FNBP1L: variants seen among roughly 807,000 people sequenced by gnomAD.
FNBP1L encodes formin-binding protein 1-like.
A neutral mutation model predicts 91.2 loss-of-function variants in FNBP1L; 36 were observed. The ratio of observed to expected loss-of-function variants is 0.39; its 90% confidence interval spans 0.30 to 0.52. FNBP1L has a LOEUF of 0.52. Among genes scored for constraint, FNBP1L ranks in the 20% least tolerant of loss-of-function variants. The probability of loss-of-function intolerance (pLI) is 0.66; values close to 1 mark genes in which losing one functional copy is unlikely to be tolerated. For synonymous variants in FNBP1L, 242 were observed against 237.0 expected (o/e 1.02, Z -0.19); for missense variants, 571 against 732.1 (o/e 0.78, Z 2.54).
At chr1:93,475,307 C>T (rs59039419) in intron 1 of FNBP1L, among the ~76,000 whole-genome samples, 4,054 of 152,080 alleles carry the variant, frequency 0.027, 160 homozygotes, top group African/African-American at 0.09. Context: ...CCTATAATTT[C>T]AGCACTTTGG....
intron 2 of FNBP1L, among the ~76,000 whole-genome samples, chr1:93,500,740 G>A (rs1398141759): frequency 6.6e-6 from 1 of 152,162 alleles, no homozygotes; most frequent in East Asian, 1.9e-4. Flanking sequence ...CCACATAATA[G>A]TGCATGTAAC....
intron 1 of FNBP1L, among the ~76,000 whole-genome samples, chr1:93,449,361 A>G (rs1047607970): frequency 6.6e-5 from 10 of 150,804 alleles, no homozygotes; most frequent in Admixed American, 5.3e-4. Flanking sequence ...GGCCTCAGCC[A>G]CTCCCCTTTT....
chr1:93,531,177 T>G (rs1671666548), intron 7 of FNBP1L, among the ~76,000 whole-genome samples: 1 of 152,234 alleles, frequency 6.6e-6, no homozygotes, highest in Non-Finnish European at 1.5e-5. Flanking sequence ...ATTGAATTTG[T>G]ATATTGTAAT....
rs1010090307 is a variant in FNBP1L at position 93,540,912 on chromosome 1, A to G, written c.1150-130A>G. 4 of 668,570 alleles carry G rather than the reference A, an allele frequency of 6.0e-6. No individual in the cohort carries two copies. In the East Asian group the frequency reaches 9.7e-5, roughly 16 times the overall value. The allele number at this position is 668,570 out of a possible 1,614,324, so 41.4% of individuals were successfully genotyped here. A position where few individuals can be genotyped will look rare whatever the true frequency, so the allele number is the denominator to read the frequency against. On this transcript the variant is annotated intron_variant, in intron 10 of 16. Transcript: ENST00000271234. ...TGCTTAAAATGGTTTTTCTGGCATAATTGTTTGGATTGTGAAATGTACGTG... is the reference window on the plus strand; with the variant it reads ...TGCTTAAAATGGTTTTTCTGGCATAGTTGTTTGGATTGTGAAATGTACGTG...
At chr1:93,460,410 T>C (rs1317255632) in intron 1 of FNBP1L, among the ~76,000 whole-genome samples, 2 of 152,220 alleles carry the variant, frequency 1.3e-5, no homozygotes, top group Admixed American at 1.3e-4. Context: ...CTGTTCTTTA[T>C]AAATTACCCA....
chr1:93,525,452 T>A (rs900585081), intron 5 of FNBP1L, among the ~76,000 whole-genome samples: 7 of 152,256 alleles, frequency 4.6e-5, no homozygotes, highest in African/African-American at 1.7e-4. Context: ...TCATTTTGAT[T>A]TTCTAATTGG....
At chr1:93,505,150 C>G (rs1453780623) in intron 2 of FNBP1L, among the ~76,000 whole-genome samples, 1 of 134,250 alleles carries the variant, frequency 7.4e-6, no homozygotes, top group African/African-American at 2.9e-5. Context: ...TCACTCTTGT[C>G]GCCCAGCCTG....
At chr1:93,489,344 C>A (rs560174987) in intron 1 of FNBP1L, among the ~76,000 whole-genome samples, 157 of 151,002 alleles carry the variant, frequency 1.0e-3, no homozygotes, top group Admixed American at 2.1e-3. Flanking sequence ...CTCTGTGGGG[C>A]CAAAAAATTG....
chr1:93,466,021 C>T (rs1056204361), intron 1 of FNBP1L, among the ~76,000 whole-genome samples: 1 of 152,118 alleles, frequency 6.6e-6, no homozygotes, highest in South Asian at 2.1e-4. Context: ...AGTATGTGTT[C>T]ATATCCTTTG....
chr1:93,529,018 C>T (rs1203647615), intron 5 of FNBP1L, among the ~76,000 whole-genome samples: 3 of 151,952 alleles, frequency 2.0e-5, no homozygotes, highest in Non-Finnish European at 4.4e-5. Context: ...GATTTGGGGT[C>T]TGGGCTGATG....
chr1:93,463,299 A>T (rs1668959509), intron 1 of FNBP1L, among the ~76,000 whole-genome samples: 1 of 152,118 alleles, frequency 6.6e-6, no homozygotes, highest in Non-Finnish European at 1.5e-5. Flanking sequence ...AGTGTTAGAA[A>T]CAGATCTGGG....
intron 5 of FNBP1L, among the ~76,000 whole-genome samples, chr1:93,527,774 C>T (rs528186196): frequency 6.6e-6 from 1 of 151,950 alleles, no homozygotes; most frequent in Admixed American, 6.6e-5. Context: ...ATCTAATGTG[C>T]ACATGAGGGA....
chr1:93,494,832 A>G lies in FNBP1L; in HGVS notation c.25-4636A>G, dbSNP rs139244086. On this transcript the variant is annotated intron_variant, in intron 1 of 16. Transcript: ENST00000271234. Reference sequence around the variant, plus strand: ...GCCTCACAATCATGGCGGAAGACAAATGAGGAGCAAAGTCACGTCTTACAT... The same window carrying G: ...GCCTCACAATCATGGCGGAAGACAAGTGAGGAGCAAAGTCACGTCTTACAT... 1.9e-3 allele frequency among the ~76,000 whole-genome samples: 291 copies of G among 152,312 alleles called. 2 individuals carry two copies. The highest frequency in any genetic ancestry group is 6.7e-3 in the African/African-American group (280 of 41,574).
At chr1:93,539,928 C>T (rs1210123756) in intron 10 of FNBP1L, among the ~76,000 whole-genome samples, 2 of 152,038 alleles carry the variant, frequency 1.3e-5, no homozygotes, top group Non-Finnish European at 2.9e-5. Context: ...AATTTTTTAT[C>T]TGACATCTCC....
chr1:93,465,327 A>G (rs1669037191), intron 1 of FNBP1L, among the ~76,000 whole-genome samples: 1 of 151,906 alleles, frequency 6.6e-6, no homozygotes, highest in African/African-American at 2.4e-5. Flanking sequence ...TACATTATGT[A>G]TTTCTCCTAA....
chr1:93,549,504 A>G, intron 15 of FNBP1L, 78 bp downstream of exon 15: 2 of 1,130,240 alleles, frequency 1.8e-6, no homozygotes, highest in Non-Finnish European at 2.4e-6. Context: ...TCACTGTAGT[A>G]TCCTTATTTA....
intron 12 of FNBP1L, 63 bp downstream of exon 12, chr1:93,544,279 T>G: frequency 9.2e-7 from 1 of 1,089,034 alleles, no homozygotes. Context: ...GTGACGCCCT[T>G]AAATGTGATA....
intron 1 of FNBP1L, among the ~76,000 whole-genome samples, chr1:93,459,885 T>G (rs1668802659): frequency 6.6e-6 from 1 of 151,700 alleles, no homozygotes; most frequent in African/African-American, 2.4e-5. Flanking sequence ...AGAGTACACA[T>G]TAAGTGCCCC....
intron 5 of FNBP1L, among the ~76,000 whole-genome samples, chr1:93,526,322 G>C (rs1396593394): frequency 2.0e-5 from 3 of 152,118 alleles, no homozygotes; most frequent in Admixed American, 6.6e-5. Context: ...TTGTCACCAG[G>C]CTCCATCTCC....
Sources: allele counts gnomAD v4.1 joint callset (sites outside exome capture counted in the v4.1 genomes callset), GRCh38; gene constraint gnomAD v4.1.1; transcripts MANE v1.5; gene names NCBI Gene and HGNC (gene_info 2026-07-23, HGNC 2026-07-21).